The following DTNB variants were observed in gnomAD, a reference collection of about 807,000 sequenced individuals.
The protein encoded by DTNB is dystrobrevin beta, also known as DTN-B.
In DTNB, 63 loss-of-function variants were observed where a neutral mutation model predicts 90.7. The observed-to-expected ratio is 0.69, with a 90% CI of 0.57 to 0.86. DTNB has a LOEUF of 0.86. Among genes scored for constraint, DTNB ranks in the 40% least tolerant of loss-of-function variants. DTNB has a pLI of 0.00. For missense variants in DTNB, 744 were observed against 807.1 expected, an observed-to-expected ratio of 0.92 and a Z score of 0.95; for synonymous variants, 277 against 286.7, an observed-to-expected ratio of 0.97 and a Z score of 0.34.
chr2:25,592,839 G>T (rs1008638443), intron 6 of DTNB, among the ~76,000 whole-genome samples: 1 of 152,176 alleles, frequency 6.6e-6, no homozygotes, highest in African/African-American at 2.4e-5. Flanking sequence ...GAGGACAAAC[G>T]AAATAATCAG....
chr2:25,498,358 C>T (rs2069509806), intron 9 of DTNB, among the ~76,000 whole-genome samples: 1 of 152,088 alleles, frequency 6.6e-6, no homozygotes, highest in African/African-American at 2.4e-5. Context: ...GATATCCAAA[C>T]TAAGAGCCTA....
At chr2:25,464,907 AGGAGCCAG>A (rs1215613655) in intron 10 of DTNB, among the ~76,000 whole-genome samples, 2 of 152,212 alleles carry the variant, frequency 1.3e-5, no homozygotes, top group African/African-American at 4.8e-5. Flanking sequence ...ACAGAACAGA[AGGAGCCAG>A]GGAGACAGGA....
intron 20 of DTNB, 42 bp downstream of exon 20, chr2:25,379,248 G>T: frequency 7.6e-7 from 1 of 1,309,196 alleles, no homozygotes; most frequent in Non-Finnish European, 9.8e-7. Flanking sequence ...GCTGAGGAAG[G>T]AGGGAGGGGC....
chr2:25,626,349 T>C (rs953260360), intron 4 of DTNB, among the ~76,000 whole-genome samples: 1 of 152,214 alleles, frequency 6.6e-6, no homozygotes, highest in Admixed American at 6.5e-5. Context: ...ACTAAGGGTT[T>C]TGAAACAAAA....
intron 14 of DTNB, among the ~76,000 whole-genome samples, chr2:25,428,406 C>G (rs1176958598): frequency 6.6e-6 from 1 of 151,844 alleles, no homozygotes; most frequent in Non-Finnish European, 1.5e-5. Flanking sequence ...AAGCATGAAA[C>G]AGTCTCCTTA....
intron 6 of DTNB, among the ~76,000 whole-genome samples, chr2:25,592,226 T>A (rs982847211): frequency 1.3e-5 from 2 of 152,086 alleles, no homozygotes; most frequent in Admixed American, 6.6e-5. Context: ...CAATTTTTTT[T>A]AATAATGGAC....
chr2:25,554,862 G>A (rs1030941709), intron 8 of DTNB, among the ~76,000 whole-genome samples: 1 of 152,108 alleles, frequency 6.6e-6, no homozygotes, highest in Admixed American at 6.5e-5. Context: ...ACATACATAT[G>A]AGTAATAAAA....
chr2:25,473,749 G>A lies in DTNB; in HGVS notation c.1079+9047C>T, dbSNP rs965218781. 1.2e-4 allele frequency among the ~76,000 whole-genome samples: 18 copies of A among 152,292 alleles called. No individual in the cohort carries two copies. The South Asian group carries it at 1.2e-3, about 11-fold the overall frequency. On this transcript the variant is annotated intron_variant, in intron 10 of 20. Coordinates refer to ENST00000406818, the MANE Select transcript of DTNB (RefSeq NM_021907.5). ...ATCTTCCTCCAGTGTTTTGACCAAA[G>A]GGACCTTAATTCAAGCCAGGGAGAA...
chr2:25,465,937 C>T (rs2061693405), intron 10 of DTNB, among the ~76,000 whole-genome samples: 1 of 152,212 alleles, frequency 6.6e-6, no homozygotes, highest in Non-Finnish European at 1.5e-5. Context: ...ACAGCTAAAT[C>T]ACCAGGCACC....
At chr2:25,479,575 A>G (rs1456514323) in intron 10 of DTNB, among the ~76,000 whole-genome samples, 1 of 152,230 alleles carries the variant, frequency 6.6e-6, no homozygotes, top group African/African-American at 2.4e-5. Flanking sequence ...AGGGAGGGCA[A>G]ATCCCTACAG....
At position 25,475,812 on chromosome 2, in the gene DTNB, G is replaced by A. The variant is rs115687537; in HGVS notation, c.1079+6984C>T. 4.4e-3 allele frequency among the ~76,000 whole-genome samples: 670 copies of A among 152,180 alleles called. 3 individuals are homozygous for A. Among genetic ancestry groups the A allele is most frequent in the African/African-American group, 0.015 (631 of 41,506 alleles). On this transcript the variant is annotated intron_variant, in intron 10 of 20. Coordinates refer to ENST00000406818, the MANE Select transcript of DTNB (RefSeq NM_021907.5). Reference sequence around the variant, plus strand: ...TTCAGAATTATGCTAAATTTACCTTGCCTGCACTCCATAAAAGGAAGAATA... The same window carrying A: ...TTCAGAATTATGCTAAATTTACCTTACCTGCACTCCATAAAAGGAAGAATA...
At chr2:25,444,526 C>T (rs1216388893) in intron 12 of DTNB, among the ~76,000 whole-genome samples, 1 of 99,242 alleles carries the variant, frequency 1.0e-5, no homozygotes, top group Non-Finnish European at 2.1e-5. Flanking sequence ...CAGAGTGAGA[C>T]TCCATCTCAA....
chr2:25,441,192 C>T (rs2057301559), intron 12 of DTNB, among the ~76,000 whole-genome samples: 1 of 152,154 alleles, frequency 6.6e-6, no homozygotes, highest in Non-Finnish European at 1.5e-5. Flanking sequence ...CAGTGAACAT[C>T]CTAAGGCAAT....
At chr2:25,461,202 CCT>C (rs2150207475) in intron 10 of DTNB, among the ~76,000 whole-genome samples, 1 of 152,268 alleles carries the variant, frequency 6.6e-6, no homozygotes, top group South Asian at 2.1e-4. Context: ...CCAGGCCTGG[CCT>C]ATAGGAAGAC....
At chr2:25,383,997 G>C (rs185137140) in intron 18 of DTNB, 108 bp from the exon 19 acceptor site, 186 of 1,584,258 alleles carry the variant, frequency 1.2e-4, no homozygotes, top group Non-Finnish European at 8.0e-5. Flanking sequence ...CTAGCTAACA[G>C]CTCCTGGCTG....
chr2:25,570,873 T>C (rs192301803), intron 8 of DTNB, among the ~76,000 whole-genome samples: 1 of 152,334 alleles, frequency 6.6e-6, no homozygotes, highest in African/African-American at 2.4e-5. Flanking sequence ...ATATACGCCA[T>C]TGACTCCCAG....
At chr2:25,633,457 C>G (rs2076243334) in intron 3 of DTNB, among the ~76,000 whole-genome samples, 1 of 152,268 alleles carries the variant, frequency 6.6e-6, no homozygotes, top group South Asian at 2.1e-4. Flanking sequence ...GAGTCTGGTT[C>G]ACTCAGCGCT....
At chr2:25,434,445 A>G (rs142982766) in intron 12 of DTNB, among the ~76,000 whole-genome samples, 2 of 132,948 alleles carry the variant, frequency 1.5e-5, no homozygotes, top group East Asian at 4.5e-4. Context: ...GCTCTATCAC[A>G]CAGGCTGGTA....
At chr2:25,535,723 G>A (rs1362136078) in intron 8 of DTNB, among the ~76,000 whole-genome samples, 1 of 140,554 alleles carries the variant, frequency 7.1e-6, no homozygotes, top group Non-Finnish European at 1.5e-5. Context: ...TTCCTAGACG[G>A]GGTGGCTGCC....
Sources: gnomAD v4.1 joint callset for allele counts (sites outside exome capture counted in the v4.1 genomes callset) on GRCh38, gnomAD v4.1.1 for gene constraint, MANE v1.5 for transcripts, NCBI Gene and HGNC (gene_info 2026-07-23, HGNC 2026-07-21) for gene names.